Variants in TECTB observed in about 807,000 individuals in gnomAD.
TECTB encodes tectorin beta.
TECTB carries 45 observed loss-of-function variants against 43.3 expected under a neutral mutation model. That is an observed-to-expected ratio of 1.04 (90% confidence interval 0.82 to 1.33). TECTB has a LOEUF of 1.33. Among genes scored for constraint, TECTB ranks in the 40% most tolerant of loss-of-function variants. The pLI is 0.00. For missense variants in TECTB, 399 were observed against 404.7 expected, an observed-to-expected ratio of 0.99 and a Z score of 0.12; for synonymous variants, 169 against 156.7, an observed-to-expected ratio of 1.08 and a Z score of -0.59.
Position 112,283,633 on chromosome 10 carries a change from A to T in TECTB, c.-87-15A>T. 9.5e-7 allele frequency: 1 copy of T among 1,052,866 alleles called. No individual in the cohort carries two copies. The highest frequency in any genetic ancestry group is 1.4e-6 in the Non-Finnish European group (1 of 719,048). The allele number at this position is 1,052,866 out of a possible 1,614,324, so 65.2% of individuals were successfully genotyped here. ...TTCCCTTGATTTTAACTTTTCATTCATGTTTCTGACTTAGAATGATCGAGG... is the reference window on the plus strand; with the variant it reads ...TTCCCTTGATTTTAACTTTTCATTCTTGTTTCTGACTTAGAATGATCGAGG... On this transcript the variant is annotated splice_polypyrimidine_tract_variant and intron_variant, in intron 1 of 10. Coordinates refer to ENST00000646139, the MANE Select transcript of TECTB (RefSeq NM_058222.3).
intron 9 of TECTB, 150 bp downstream of exon 9, chr10:112,299,714 C>T: frequency 1.3e-6 from 1 of 775,666 alleles, no homozygotes; most frequent in Non-Finnish European, 2.1e-6. Context: ...AGTCTTCCAG[C>T]CAGGGGTGGG....
intron 7 of TECTB, 86 bp from the exon 8 acceptor site, chr10:112,297,983 C>T (rs1370095690): frequency 3.8e-6 from 6 of 1,582,370 alleles, no homozygotes; most frequent in East Asian, 4.5e-5. Context: ...ATAACCACCT[C>T]GGGAGCCTTG....
Position 112,300,238 on chromosome 10 carries a change from G to T in TECTB, c.907+674G>T, listed in dbSNP as rs866153715. Among the ~76,000 whole-genome samples, 13 of 30,710 alleles carry T rather than the reference G, an allele frequency of 4.2e-4. No homozygotes were observed. In the South Asian group the frequency reaches 6.4e-3, roughly 15 times the overall value. The allele number at this position is 30,710 out of a possible 152,430, so 20.1% of individuals were successfully genotyped here. On this transcript the variant is annotated intron_variant, in intron 9 of 10. Coordinates refer to ENST00000646139, the MANE Select transcript of TECTB (RefSeq NM_058222.3). ...AGACAGACAGAAAGAAATAAAGAAAGAAAGAAAGAAAGAAAGAAAGAAAGA... is the reference window on the plus strand; with the variant it reads ...AGACAGACAGAAAGAAATAAAGAAATAAAGAAAGAAAGAAAGAAAGAAAGA...
intron 9 of TECTB, among the ~76,000 whole-genome samples, chr10:112,300,441 G>A (rs1345450132): frequency 6.6e-6 from 1 of 152,128 alleles, no homozygotes; most frequent in Admixed American, 6.5e-5. Flanking sequence ...GCCTGGCCTG[G>A]CAGGGCACTA....
chr10:112,297,638 C>T (rs921245186), intron 7 of TECTB, among the ~76,000 whole-genome samples: 1 of 152,232 alleles, frequency 6.6e-6, no homozygotes, highest in Admixed American at 6.5e-5. Flanking sequence ...TCACAGTTCA[C>T]ACACAGAAAT....
At chr10:112,292,291 G>A (rs184664406) in intron 5 of TECTB, among the ~76,000 whole-genome samples, 2 of 152,290 alleles carry the variant, frequency 1.3e-5, no homozygotes, top group East Asian at 3.9e-4. Flanking sequence ...AGCTCACCCA[G>A]CATGTCCTGA....
At chr10:112,293,699 T>G in intron 5 of TECTB, 39 bp from the exon 6 acceptor site, 2 of 1,583,680 alleles carry the variant, frequency 1.3e-6, no homozygotes, top group Non-Finnish European at 8.7e-7. Context: ...CTGCTCAATC[T>G]GAGAGTTCAT....
chr10:112,298,931 A>T (rs1848572594), intron 8 of TECTB, among the ~76,000 whole-genome samples: 1 of 152,218 alleles, frequency 6.6e-6, no homozygotes, highest in Non-Finnish European at 1.5e-5. Flanking sequence ...AGCCTATAGT[A>T]ACCAACAAAA....
At chr10:112,298,007 C>T in intron 7 of TECTB, 62 bp from the exon 8 acceptor site, 1 of 1,608,708 alleles carries the variant, frequency 6.2e-7, no homozygotes, top group Non-Finnish European at 8.5e-7. Flanking sequence ...GTAAATCGCT[C>T]AGCAGCTCTT....
intron 5 of TECTB, among the ~76,000 whole-genome samples, chr10:112,293,097 G>A (rs1848513450): frequency 6.6e-6 from 1 of 152,184 alleles, no homozygotes. Context: ...ATGGTCTATA[G>A]TTACATATTA....
intron 8 of TECTB, among the ~76,000 whole-genome samples, chr10:112,298,673 G>A (rs764105510): frequency 4.5e-4 from 68 of 152,340 alleles, no homozygotes; most frequent in Non-Finnish European, 6.3e-4. Flanking sequence ...TGAACAGCCC[G>A]AGGGTTCACC....
Position 112,296,165 on chromosome 10 carries a change from G to GA in TECTB, c.672-1894dup, listed in dbSNP as rs1033016506. ...TTGCTCACAACACTGGGCCCCTTTG[G>GA]AAAAAAAAAACCCAGTTTGCAAAAG... On this transcript the variant is annotated intron_variant, in intron 7 of 10. Coordinates refer to ENST00000646139, the MANE Select transcript of TECTB (RefSeq NM_058222.3). Among the ~76,000 whole-genome samples, 292 of 148,390 alleles carry GA rather than the reference G, an allele frequency of 2.0e-3. 1 individual carries two copies. Among genetic ancestry groups the GA allele is most frequent in the African/African-American group, 5.8e-3 (236 of 40,440 alleles).
intron 2 of TECTB, among the ~76,000 whole-genome samples, chr10:112,284,212 T>C (rs1297378892): frequency 6.6e-6 from 1 of 152,218 alleles, no homozygotes. Context: ...CTCATTGTTA[T>C]GGAGATTTTA....
rs1007525986 is a variant in TECTB, at chr10:112,303,834, T to C, written c.*522T>C. The C allele has an allele frequency of 1.3e-5, 2 of 157,194 alleles. No homozygotes were observed. The highest frequency in any genetic ancestry group is 2.8e-5 in the Non-Finnish European group (2 of 70,718). The allele number at this position is 157,194 out of a possible 1,614,324, so 9.7% of individuals were successfully genotyped here. On this transcript the variant is annotated 3_prime_UTR_variant, in exon 11 of 11. Coordinates refer to ENST00000646139, the MANE Select transcript of TECTB (RefSeq NM_058222.3). ...TTTCAACTGATGACATGGGAGATGA[T>C]GTGGGATTCAGAGTGGAATACAATA...
chr10:112,295,906 A>G (rs1564709158), intron 7 of TECTB, among the ~76,000 whole-genome samples: 1 of 152,228 alleles, frequency 6.6e-6, no homozygotes, highest in African/African-American at 2.4e-5. Context: ...GTGTACACAC[A>G]AACTGTGTAG....
intron 5 of TECTB, among the ~76,000 whole-genome samples, chr10:112,287,325 A>G (rs990270390): frequency 2.6e-5 from 4 of 152,214 alleles, no homozygotes; most frequent in Admixed American, 6.5e-5. Flanking sequence ...TAAATATGCA[A>G]TGGCCATTTG....
intron 2 of TECTB, among the ~76,000 whole-genome samples, chr10:112,284,026 G>T (rs1224877320): frequency 6.6e-6 from 1 of 151,932 alleles, no homozygotes; most frequent in African/African-American, 2.4e-5. Flanking sequence ...ATTAGAGAAT[G>T]CTTGCTCTAT....
In TECTB at chr10:112,284,619, C is replaced by T. The variant is rs139548717; in HGVS notation, c.161C>T (p.Ala54Val). ...CPYGWEVHQL[A>V]LGGLCYNGVH... ...TATGGATGGGAAGTTCATCAGCTGGCCCTCGGAGGGCTGTGTTACAATGGG... is the reference window on the plus strand; with the variant it reads ...TATGGATGGGAAGTTCATCAGCTGGTCCTCGGAGGGCTGTGTTACAATGGG... Residue 54 changes from alanine (A) to valine (V), a missense_variant, in exon 3 of 11, where the codon GCC becomes GTC. Transcript: ENST00000646139. 2.3e-5 allele frequency: 37 copies of T among 1,613,604 alleles called. 2 individuals are homozygous for T. The Middle Eastern group carries it at 9.9e-4, about 43-fold the overall frequency.
rs560074175 is a variant in TECTB, at chr10:112,302,213, T to C, written c.940+80T>C. 1.3e-5 allele frequency: 20 copies of C among 1,557,586 alleles called. No individual in the cohort carries two copies. The South Asian group carries it at 1.9e-4, about 15-fold the overall frequency. ...AGAGTGTTTTAAGAGAAGCTTAACT[T>C]TGGCCCCGGCAAAACTTTTAAGGAT... On this transcript the variant is annotated intron_variant, in intron 10 of 10. Coordinates refer to ENST00000646139, the MANE Select transcript of TECTB (RefSeq NM_058222.3).
Sources: allele counts gnomAD v4.1 joint callset (sites outside exome capture counted in the v4.1 genomes callset), GRCh38; gene constraint gnomAD v4.1.1; transcripts MANE v1.5; gene names NCBI Gene and HGNC (gene_info 2026-07-23, HGNC 2026-07-21).